KCNH2: variants seen among roughly 807,000 people sequenced by gnomAD.
KCNH2 encodes voltage-gated inwardly rectifying potassium channel KCNH2.
In KCNH2, 35 loss-of-function variants were observed where a neutral mutation model predicts 95.9. The observed-to-expected ratio is 0.37, with a 90% confidence interval of 0.28 to 0.48. The LOEUF (loss-of-function observed/expected upper bound fraction) is 0.48. Among genes scored for constraint, KCNH2 ranks in the 20% least tolerant of loss-of-function variants. The probability of loss-of-function intolerance (pLI) is 0.99; values close to 1 mark genes in which losing one functional copy is unlikely to be tolerated. For missense variants in KCNH2, 1,274 were observed against 1,702.9 expected, an observed-to-expected ratio of 0.75 and a Z score of 4.43; for synonymous variants, 786 against 754.7, an observed-to-expected ratio of 1.04 and a Z score of -0.68.
At position 150,978,015 on chromosome 7, in the gene KCNH2, CCGCGGCCAAGCCGAGCACGGG is replaced by C. The variant is rs1191238568; in HGVS notation, c.-123_-103del. The C allele has an allele frequency of 2.0e-6, 1 of 493,174 alleles. No homozygotes were observed. The highest frequency in any genetic ancestry group is 3.0e-6 in the Non-Finnish European group (1 of 329,314). 30.5% of individuals were successfully genotyped at this position (493,174 alleles called of 1,614,324 possible). The stretch of plus-strand genomic sequence containing the variant: ...CCGGCCGGGCCGTGGTCCCCGCACC[CCGCGGCCAAGCCGAGCACGGG>C]CGCGGCCAAGACTGGACTGCGGGCG... On this transcript the variant is annotated 5_prime_UTR_variant, in exon 1 of 15. Transcript: ENST00000262186.
rs1230673773 is a variant in KCNH2 at position 150,978,286 on chromosome 7, G to C, written c.-373C>G. 6.8e-6 allele frequency: 1 copy of C among 146,314 alleles called. No individual in the cohort carries two copies. The highest frequency in any genetic ancestry group is 1.5e-5 in the Non-Finnish European group (1 of 65,710). The allele number at this position is 146,314 out of a possible 1,614,324, so 9.1% of individuals were successfully genotyped here. A position where few individuals can be genotyped will look rare whatever the true frequency, so the allele number is the denominator to read the frequency against. On this transcript the variant is annotated 5_prime_UTR_variant, in exon 1 of 15. Coordinates refer to ENST00000262186, the MANE Select transcript of KCNH2 (RefSeq NM_000238.4). ...AGCCGCTCCAGCGCCCGCGGCTCGG[G>C]CAGCGCCTGCGGCTCGGCCCGGCCG... is the stretch of plus-strand genomic sequence containing the variant.
At position 150,945,636 on chromosome 7, in the gene KCNH2, G is replaced by T; in HGVS notation, c.3331-122C>A. On this transcript the variant is annotated intron_variant, in intron 14 of 14. Coordinates refer to ENST00000262186, the MANE Select transcript of KCNH2 (RefSeq NM_000238.4). This position sits in a 1 kb window ranked among gnomAD's most constrained non-coding sequence, Gnocchi z 5.6. ...GGAGGACAGGAGGGCCAAGAGGAGA[G>T]TCAGGTGGGCAGAGAAGCTGGAGGG... 9.4e-7 allele frequency: 1 copy of T among 1,061,394 alleles called. No individual in the cohort carries two copies. 65.7% of individuals were successfully genotyped at this position (1,061,394 alleles called of 1,614,324 possible). A position where few individuals can be genotyped will look rare whatever the true frequency, so the allele number is the denominator to read the frequency against.
rs775974046 is a variant in KCNH2, at chr7:150,950,081, G to A, written c.2398+87C>T. On this transcript the variant is annotated intron_variant, in intron 9 of 14. Transcript: ENST00000262186. ...CCCTGCAGGCAGTCCCAGGTCCACAGCCCCAGTGACTGCATATTCAGAAGG... is the reference window on the plus strand; with the variant it reads ...CCCTGCAGGCAGTCCCAGGTCCACAACCCCAGTGACTGCATATTCAGAAGG... 18 of 1,613,168 alleles carry A rather than the reference G, an allele frequency of 1.1e-5. No individual in the cohort carries two copies. The highest frequency in any genetic ancestry group is 6.7e-5 in the Admixed American group (4 of 59,990).
At position 150,952,359 on chromosome 7, in the gene KCNH2, C is replaced by T; in HGVS notation, c.1557+66G>A. Reference sequence around the variant, plus strand: ...GTCCTCCTCGCCACCCCCTCCACCCCACTACCTCCCACCACATTCCTGGCC... The same window carrying T: ...GTCCTCCTCGCCACCCCCTCCACCCTACTACCTCCCACCACATTCCTGGCC... On this transcript the variant is annotated intron_variant, in intron 6 of 14. Transcript: ENST00000262186. This position sits in a 1 kb window ranked among gnomAD's most constrained non-coding sequence, Gnocchi z 7.3. 1.5e-5 allele frequency: 23 copies of T among 1,496,206 alleles called. No individual in the cohort carries two copies. The highest frequency in any genetic ancestry group is 7.4e-5 in the Admixed American group (4 of 54,038). The allele number at this position is 1,496,206 out of a possible 1,614,324, so 92.7% of individuals were successfully genotyped here.
intron 5 of KCNH2, among the ~76,000 whole-genome samples, chr7:150,954,590 C>T (rs1801301317): frequency 6.6e-6 from 1 of 152,236 alleles, no homozygotes; most frequent in Non-Finnish European, 1.5e-5. Flanking sequence ...AGCTGGCTTG[C>T]TTAAGCCAAA....
At chr7:150,977,769 C>A in intron 1 of KCNH2, 69 bp downstream of exon 1, 2 of 1,280,884 alleles carry the variant, frequency 1.6e-6, no homozygotes, top group South Asian at 1.3e-5. Context: ...CACGCCCCCC[C>A]ATCCACACTC....
intron 4 of KCNH2, 90 bp downstream of exon 4, chr7:150,957,969 A>G: frequency 9.3e-7 from 1 of 1,076,416 alleles, no homozygotes; most frequent in Non-Finnish European, 1.2e-6. Context: ...GACGTAGTGA[A>G]AAGGTCAGAA....
rs1801574887 is a variant in KCNH2, at chr7:150,961,852, G to T, written c.308-2116C>A. ...AAGGGCCTGATGCATGGCAGATGCT[G>T]GCCAGGCTCGGGGATTCTAACCCGC... is the stretch of plus-strand genomic sequence containing the variant. On this transcript the variant is annotated intron_variant, in intron 2 of 14. Coordinates refer to ENST00000262186, the MANE Select transcript of KCNH2 (RefSeq NM_000238.4). This position sits in a 1 kb window ranked among gnomAD's most constrained non-coding sequence, Gnocchi z 6.2. Among the ~76,000 whole-genome samples, 1 of 152,212 alleles carries T rather than the reference G, an allele frequency of 6.6e-6. No homozygotes were observed. The highest frequency in any genetic ancestry group is 2.4e-5 in the African/African-American group (1 of 41,448).
chr7:150,955,547 G>A (rs998580242), intron 5 of KCNH2: 17 of 1,517,350 alleles, frequency 1.1e-5, no homozygotes, highest in Non-Finnish European at 1.5e-5. Flanking sequence ...GGGGCCTGAG[G>A]GCCCGGCCAC....
rs566012607 is a variant in KCNH2, at chr7:150,961,148, C to T, written c.308-1412G>A. The stretch of plus-strand genomic sequence containing the variant: ...AGTGTCTCCCGTCCCCACGTTAGTG[C>T]CTAGCACCTAGAGTCATACGCCCTG... On this transcript the variant is annotated intron_variant, in intron 2 of 14. Transcript: ENST00000262186. This position sits in a 1 kb window ranked among gnomAD's most constrained non-coding sequence, Gnocchi z 6.2. Among the ~76,000 whole-genome samples, 50 of 152,296 alleles carry T rather than the reference C, an allele frequency of 3.3e-4. No homozygotes were observed. The highest frequency in any genetic ancestry group is 1.1e-3 in the African/African-American group (45 of 41,544).
intron 2 of KCNH2, among the ~76,000 whole-genome samples, chr7:150,967,090 C>G (rs1017914751): frequency 2.0e-5 from 3 of 152,110 alleles, no homozygotes; most frequent in African/African-American, 7.2e-5. Flanking sequence ...ACCATCCTGG[C>G]CAACATGGAG....
At chr7:150,974,677 C>T in intron 2 of KCNH2, 34 bp downstream of exon 2, 1 of 1,532,318 alleles carries the variant, frequency 6.5e-7, no homozygotes. Flanking sequence ...TTGACCCCGC[C>T]CCTGGTCGTG....
chr7:150,955,726 G>A, intron 5 of KCNH2: 1 of 1,319,684 alleles, frequency 7.6e-7, no homozygotes, highest in Non-Finnish European at 9.6e-7. Flanking sequence ...GGCTCGAGCT[G>A]CCCATGGCCC....
intron 1 of KCNH2, among the ~76,000 whole-genome samples, chr7:150,975,826 C>T (rs1338029568): frequency 6.6e-6 from 1 of 152,228 alleles, no homozygotes; most frequent in African/African-American, 2.4e-5. Context: ...GCTCCAAACC[C>T]TGGACACACC....
chr7:150,958,399 C>T lies in KCNH2; in HGVS notation c.576G>A (p.Gly192=), dbSNP rs2117006246. The change falls in exon 4 of 15, where the codon GGG becomes GGA. Residue 192 remains glycine, a synonymous_variant. Transcript: ENST00000262186. ...SGGAGGAGAP[G]AVVVDVDLTP... is the part of the protein sequence containing the mutation. ...TCAGGTCCACGTCCACCACCACGGC[C>T]CCCGGGGCGCCCGCGCCGCCCGCGC... 2 of 1,451,226 alleles carry T rather than the reference C, an allele frequency of 1.4e-6. No individual in the cohort carries two copies. The highest frequency in any genetic ancestry group is 9.0e-7 in the Non-Finnish European group (1 of 1,109,518). The allele number at this position is 1,451,226 out of a possible 1,614,324, so 89.9% of individuals were successfully genotyped here. A position where few individuals can be genotyped will look rare whatever the true frequency, so the allele number is the denominator to read the frequency against.
At chr7:150,977,809 C>T in intron 1 of KCNH2, 29 bp downstream of exon 1, 1 of 1,248,424 alleles carries the variant, frequency 8.0e-7, no homozygotes, top group South Asian at 1.3e-5. Context: ...CCAGAGCCCC[C>T]TCCCCGCTCA....
At position 150,959,752 on chromosome 7, in the gene KCNH2, A is replaced by C. The variant is rs1202284106; in HGVS notation, c.308-16T>G. On this transcript the variant is annotated splice_polypyrimidine_tract_variant and intron_variant, in intron 2 of 14. Coordinates refer to ENST00000262186, the MANE Select transcript of KCNH2 (RefSeq NM_000238.4). ...AAGCAGCTCCCTGCAGAGTGGGAGG[A>C]CATAGCCCCCTTGGCACCCACTCAG... is the stretch of plus-strand genomic sequence containing the variant. 1 of 1,614,076 alleles carries C rather than the reference A, an allele frequency of 6.2e-7. No individual in the cohort carries two copies. The highest frequency in any genetic ancestry group is 2.2e-5 in the East Asian group (1 of 44,872).
chr7:150,975,021 T>A, intron 1 of KCNH2, 80 bp from the exon 2 acceptor site: 1 of 1,269,964 alleles, frequency 7.9e-7, no homozygotes, highest in Non-Finnish European at 1.1e-6. Flanking sequence ...CATTCTCCAC[T>A]CACACAGCCG....
At chr7:150,954,834 C>T in intron 5 of KCNH2, among the ~76,000 whole-genome samples, 1 of 152,178 alleles carries the variant, frequency 6.6e-6, no homozygotes, top group East Asian at 1.9e-4. Flanking sequence ...AGTGCATGGC[C>T]CAGCCACCAC....
Sources: allele counts gnomAD v4.1 joint callset (sites outside exome capture counted in the v4.1 genomes callset), GRCh38; gene constraint gnomAD v4.1.1; non-coding constraint Gnocchi (gnomAD v3.1); transcripts MANE v1.5; gene names NCBI Gene and HGNC (gene_info 2026-07-23, HGNC 2026-07-21).